Variants in ARHGAP17 observed in about 807,000 individuals in gnomAD.
The protein encoded by ARHGAP17 is Rho GTPase activating protein 17.
In ARHGAP17, 57 loss-of-function variants were observed where a neutral mutation model predicts 99.5. The observed-to-expected ratio is 0.57, with a 90% CI of 0.46 to 0.71. ARHGAP17 has a LOEUF of 0.71. ARHGAP17 is among the 30% of genes least tolerant of loss of function. ARHGAP17 has a pLI of 0.00. For synonymous variants in ARHGAP17, 417 were observed against 429.6 expected (o/e 0.97, Z 0.36); for missense variants, 1,000 against 1,122.4 (o/e 0.89, Z 1.56).
At chr16:24,939,668 A>G in intron 16 of ARHGAP17, 71 bp from the exon 17 acceptor site, 1 of 1,481,498 alleles carries the variant, frequency 6.7e-7, no homozygotes, top group South Asian at 1.2e-5. Flanking sequence ...ATCGGTCCAC[A>G]TGTGTTAAAA....
intron 13 of ARHGAP17, among the ~76,000 whole-genome samples, chr16:24,948,357 T>C (rs1188631173): frequency 6.6e-6 from 1 of 152,122 alleles, no homozygotes; most frequent in Non-Finnish European, 1.5e-5. Flanking sequence ...GCTGAGAGGA[T>C]ATATAAGAAA....
chr16:24,927,726 C>A (rs1303825133), intron 19 of ARHGAP17: 13 of 1,201,616 alleles, frequency 1.1e-5, no homozygotes, highest in Non-Finnish European at 1.4e-5. Context: ...TATGGCAGGT[C>A]ATACATCTAA....
At chr16:24,939,188 A>C (rs1240973065) in intron 17 of ARHGAP17, among the ~76,000 whole-genome samples, 176 bp downstream of exon 17, 1 of 152,212 alleles carries the variant, frequency 6.6e-6, no homozygotes, top group East Asian at 1.9e-4. Context: ...ACATAAAAAG[A>C]AGCGAGCCAT....
At chr16:25,006,271 T>C (rs1243783816) in intron 1 of ARHGAP17, among the ~76,000 whole-genome samples, 1 of 149,894 alleles carries the variant, frequency 6.7e-6, no homozygotes, top group Non-Finnish European at 1.5e-5. Context: ...TGAAACTCTG[T>C]CTCTACTAAA....
At position 24,920,161 on chromosome 16, in the gene ARHGAP17, A is replaced by G. The variant is rs958628164; in HGVS notation, c.2615T>C (p.Ile872Thr). 10 of 1,613,992 alleles carry G rather than the reference A, an allele frequency of 6.2e-6. No individual in the cohort carries two copies. The highest frequency in any genetic ancestry group is 4.0e-5 in the African/African-American group (3 of 74,908). Residue 872 changes from isoleucine (I) to threonine (T), a missense_variant, in exon 20 of 20, where the codon ATA becomes ACA. By Grantham distance (89) the Ile-to-Thr change is moderately conservative. Coordinates refer to ENST00000289968, the MANE Select transcript of ARHGAP17 (RefSeq NM_001006634.3). ...GGCAGTGCTCTCGGTATCATTGTCT[A>G]TATCCAGCAGGATGCGGCCAGGCAC... ...KDVPGRILLD[I>T]DNDTESTAL
chr16:24,940,426 C>T (rs1367983586), intron 16 of ARHGAP17, among the ~76,000 whole-genome samples: 2 of 152,198 alleles, frequency 1.3e-5, no homozygotes, highest in Admixed American at 6.5e-5. Context: ...GGCATGGTAG[C>T]TCACACCTGT....
intron 19 of ARHGAP17, among the ~76,000 whole-genome samples, chr16:24,926,109 GAA>G (rs1175708408): frequency 1.9e-5 from 2 of 107,098 alleles, no homozygotes; most frequent in Admixed American, 1.0e-4. Context: ...GACTCCGTCT[GAA>G]AAAAAAAAAA....
intron 1 of ARHGAP17, among the ~76,000 whole-genome samples, chr16:24,994,715 G>T (rs745382658): frequency 4.3e-4 from 65 of 152,234 alleles, no homozygotes; most frequent in Non-Finnish European, 6.2e-4. Flanking sequence ...GATGCACCCA[G>T]GGAACTTAAG....
At chr16:24,954,965 A>G in intron 9 of ARHGAP17, 1 of 478,156 alleles carries the variant, frequency 2.1e-6, no homozygotes, top group Non-Finnish European at 3.6e-6. Context: ...AGATGGCACC[A>G]ACTCAGGCTG....
intron 19 of ARHGAP17, chr16:24,929,477 T>C: frequency 4.3e-6 from 2 of 463,906 alleles, no homozygotes; most frequent in Non-Finnish European, 5.7e-6. Flanking sequence ...GGATGGCCTA[T>C]TGGCTGTCAG....
intron 1 of ARHGAP17, among the ~76,000 whole-genome samples, chr16:24,982,107 T>A (rs1052480511): frequency 2.7e-5 from 4 of 148,838 alleles, no homozygotes; most frequent in Admixed American, 2.0e-4. Context: ...TTTTTTTTTT[T>A]AAATCAATTT....
intron 18 of ARHGAP17, among the ~76,000 whole-genome samples, 175 bp downstream of exon 18, chr16:24,935,294 CT>C (rs1321939965): frequency 6.6e-6 from 1 of 152,196 alleles, no homozygotes; most frequent in Non-Finnish European, 1.5e-5. Flanking sequence ...TTTCTGTTCT[CT>C]ATTTTTTCCT....
intron 9 of ARHGAP17, chr16:24,957,265 C>T (rs1437424811): frequency 6.6e-6 from 1 of 152,308 alleles, no homozygotes; most frequent in Non-Finnish European, 1.5e-5. Context: ...GACTGGTTTG[C>T]TTTTTGAGTT....
chr16:24,971,813 G>A (rs1943806628), intron 3 of ARHGAP17, among the ~76,000 whole-genome samples: 1 of 152,154 alleles, frequency 6.6e-6, no homozygotes, highest in African/African-American at 2.4e-5. Context: ...TAATCATACA[G>A]TCAAGGAACC....
Position 24,964,316 on chromosome 16 carries a change from A to C in ARHGAP17, c.462-8T>G. ...TTGTGAGCTTGGTTCCACCTGCAAA[A>C]CAAAGGGGTCACCAGCATCTGAGAA... On this transcript the variant is annotated splice_polypyrimidine_tract_variant and splice_region_variant and intron_variant, in intron 6 of 19. Transcript: ENST00000289968. The C allele has an allele frequency of 1.3e-6, 2 of 1,591,268 alleles. No individual in the cohort carries two copies. Among genetic ancestry groups the C allele is most frequent in the Admixed American group, 1.7e-5 (1 of 59,640 alleles).
At chr16:24,977,042 T>C (rs1222701871) in intron 3 of ARHGAP17, among the ~76,000 whole-genome samples, 173 bp downstream of exon 3, 2 of 152,232 alleles carry the variant, frequency 1.3e-5, no homozygotes, top group Admixed American at 6.5e-5. Context: ...AGCCCAGCGA[T>C]GTCTTAAACA....
intron 1 of ARHGAP17, among the ~76,000 whole-genome samples, chr16:25,001,941 C>T (rs1234668916): frequency 6.6e-6 from 1 of 151,962 alleles, no homozygotes; most frequent in African/African-American, 2.4e-5. Context: ...ATTAGCCGGG[C>T]ATGGTGGTGG....
intron 1 of ARHGAP17, among the ~76,000 whole-genome samples, chr16:24,986,065 T>C (rs991568905): frequency 7.2e-5 from 11 of 152,154 alleles, no homozygotes; most frequent in African/African-American, 1.7e-4. Context: ...CTGAAGACAG[T>C]TGAAGACCGT....
At chr16:24,943,636 G>T in intron 15 of ARHGAP17, 135 bp downstream of exon 15, 1 of 721,618 alleles carries the variant, frequency 1.4e-6, no homozygotes, top group Non-Finnish European at 2.3e-6. Flanking sequence ...AATGAACAAA[G>T]GCTGGAAAGA....
Sources: gnomAD v4.1 joint callset for allele counts (sites outside exome capture counted in the v4.1 genomes callset) on GRCh38, gnomAD v4.1.1 for gene constraint, MANE v1.5 for transcripts, NCBI Gene and HGNC (gene_info 2026-07-23, HGNC 2026-07-21) for gene names.